The following RBFOX1 variants were observed in gnomAD, a reference collection of about 807,000 sequenced individuals.
The protein encoded by RBFOX1 is RNA binding fox-1 homolog 1.
In RBFOX1, 8 loss-of-function variants were observed where a neutral mutation model predicts 57.7. The observed-to-expected ratio is 0.14, with a 90% CI of 0.08 to 0.25. RBFOX1 has a LOEUF of 0.25. Among genes scored for constraint, RBFOX1 ranks in the 10% least tolerant of loss-of-function variants. The pLI is 1.00. For missense variants in RBFOX1, 611 were observed against 548.5 expected (o/e 1.11, Z -1.14); for synonymous variants, 326 against 222.4 (o/e 1.47, Z -4.15).
At chr16:5,862,337 G>C (rs907274105) in intron 3 of RBFOX1, among the ~76,000 whole-genome samples, 21 of 152,160 alleles carry the variant, frequency 1.4e-4, no homozygotes, top group African/African-American at 4.8e-4. Flanking sequence ...GTCATTTGCT[G>C]GTGGGGAGGG....
At chr16:7,666,214 G>C (rs1470779661) in intron 13 of RBFOX1, among the ~76,000 whole-genome samples, 2 of 152,086 alleles carry the variant, frequency 1.3e-5, no homozygotes, top group Admixed American at 6.6e-5. Flanking sequence ...ACCAGTCCTG[G>C]CTCTCGACTC....
At chr16:6,915,775 C>G (rs1309044683) in intron 3 of RBFOX1, among the ~76,000 whole-genome samples, 1 of 152,106 alleles carries the variant, frequency 6.6e-6, no homozygotes, top group Non-Finnish European at 1.5e-5. Flanking sequence ...TGCCCTCAAG[C>G]ACCTGTACTC....
intron 4 of RBFOX1, among the ~76,000 whole-genome samples, chr16:5,901,865 C>G (rs532619522): frequency 5.3e-5 from 8 of 152,298 alleles, no homozygotes; most frequent in Middle Eastern, 3.4e-3. Context: ...AATTCCTTCC[C>G]TCAATCTGCC....
intron 1 of RBFOX1, among the ~76,000 whole-genome samples, chr16:6,139,839 C>T (rs1166612217): frequency 6.6e-6 from 1 of 152,128 alleles, no homozygotes; most frequent in African/African-American, 2.4e-5. Flanking sequence ...GTGATTCTCC[C>T]TTCTCAGGAG....
At chr16:6,566,214 T>G (rs2097263917) in intron 2 of RBFOX1, among the ~76,000 whole-genome samples, 2 of 152,174 alleles carry the variant, frequency 1.3e-5, no homozygotes, top group Non-Finnish European at 2.9e-5. Flanking sequence ...AGAAACATAA[T>G]TTTTTGGTGA....
At chr16:6,940,297 G>C (rs1334818058) in intron 3 of RBFOX1, among the ~76,000 whole-genome samples, 1 of 152,202 alleles carries the variant, frequency 6.6e-6, no homozygotes, top group Admixed American at 6.5e-5. Flanking sequence ...GGAAGGGGCT[G>C]CTGTGAGTTG....
chr16:5,583,945 G>A (rs557697450), intron 2 of RBFOX1, among the ~76,000 whole-genome samples: 99 of 152,300 alleles, frequency 6.5e-4, no homozygotes, highest in African/African-American at 2.3e-3. Context: ...ACTTCTCTCC[G>A]GGAATGGCCC....
At chr16:5,828,978 C>T (rs1031486853) in intron 3 of RBFOX1, among the ~76,000 whole-genome samples, 1 of 152,192 alleles carries the variant, frequency 6.6e-6, no homozygotes, top group Non-Finnish European at 1.5e-5. Flanking sequence ...GGGTCTCCCA[C>T]AGGCTGCAGT....
chr16:5,769,070 C>T (rs922730488), intron 3 of RBFOX1, among the ~76,000 whole-genome samples: 22 of 147,998 alleles, frequency 1.5e-4, no homozygotes, highest in Middle Eastern at 3.4e-3. Context: ...ACCAACAGGT[C>T]AAAAAGAAAA....
At chr16:6,540,333 G>A (rs8060432) in intron 2 of RBFOX1, among the ~76,000 whole-genome samples, 9,152 of 151,404 alleles carry the variant, frequency 0.06, 818 homozygotes, top group African/African-American at 0.19. Flanking sequence ...CTCAACTCAG[G>A]CCTAGCGTGG....
chr16:6,696,829 T>C (rs1361955490), intron 3 of RBFOX1, among the ~76,000 whole-genome samples: 1 of 152,208 alleles, frequency 6.6e-6, no homozygotes, highest in African/African-American at 2.4e-5. Flanking sequence ...TTTACATTGA[T>C]TTTCTTCAAG....
intron 4 of RBFOX1, among the ~76,000 whole-genome samples, chr16:7,387,424 C>A (rs1164753488): frequency 6.6e-6 from 1 of 152,138 alleles, no homozygotes; most frequent in East Asian, 1.9e-4. Context: ...ATCGTACTGA[C>A]ATGATATTCA....
intron 3 of RBFOX1, among the ~76,000 whole-genome samples, chr16:5,654,646 A>G (rs2049365187): frequency 1.3e-5 from 2 of 152,094 alleles, no homozygotes; most frequent in African/African-American, 4.8e-5. Flanking sequence ...GCCCTTTCGC[A>G]TCTCATTCAC....
intron 3 of RBFOX1, among the ~76,000 whole-genome samples, chr16:5,731,828 T>C (rs1012419220): frequency 2.6e-5 from 4 of 152,206 alleles, no homozygotes; most frequent in African/African-American, 9.7e-5. Context: ...GTTTCTAATA[T>C]GTGTCTTTCT....
intron 3 of RBFOX1, among the ~76,000 whole-genome samples, chr16:5,677,224 T>C (rs2050194939): frequency 6.6e-6 from 1 of 152,220 alleles, no homozygotes; most frequent in African/African-American, 2.4e-5. Context: ...ACCAATTCTC[T>C]TGAGGCTGTT....
chr16:6,876,218 C>G lies in RBFOX1; in HGVS notation c.-15-175839C>G, dbSNP rs1367507644. On this transcript the variant is annotated intron_variant, in intron 3 of 15. Transcript: ENST00000550418. The stretch of plus-strand genomic sequence containing the variant: ...CAAAGCAAAGCAAAACAAAAAGCAT[C>G]AGCAACACAATCCATCTTAGATTCC... Among the ~76,000 whole-genome samples, 3 of 151,954 alleles carry G rather than the reference C, an allele frequency of 2.0e-5. No homozygotes were observed. The East Asian group carries it at 5.8e-4, about 29-fold the overall frequency.
intron 5 of RBFOX1, among the ~76,000 whole-genome samples, chr16:7,542,717 A>AAT (rs1360090921): frequency 3.3e-4 from 50 of 150,916 alleles, no homozygotes; most frequent in African/African-American, 1.1e-3. Context: ...AAAAAAAAAA[A>AAT]AAAGCCAGGC....
intron 3 of RBFOX1, among the ~76,000 whole-genome samples, chr16:7,034,624 C>G (rs555180709): frequency 2.0e-5 from 3 of 151,886 alleles, no homozygotes; most frequent in South Asian, 2.1e-4. Flanking sequence ...TTGTGTCTAT[C>G]TCATTGAAGA....
At chr16:6,702,003 T>C (rs1260351169) in intron 3 of RBFOX1, among the ~76,000 whole-genome samples, 2 of 152,090 alleles carry the variant, frequency 1.3e-5, no homozygotes, top group African/African-American at 2.4e-5. Flanking sequence ...ACTATGCTTA[T>C]TACCTGGGTG....
Sources: gnomAD v4.1 joint callset for allele counts (sites outside exome capture counted in the v4.1 genomes callset) on GRCh38, gnomAD v4.1.1 for gene constraint, MANE v1.5 for transcripts, NCBI Gene and HGNC (gene_info 2026-07-23, HGNC 2026-07-21) for gene names.